CPLANE1: variants seen among roughly 807,000 people sequenced by gnomAD.
CPLANE1 encodes ciliogenesis and planar polarity effector 1.
A neutral mutation model predicts 362.5 loss-of-function variants in CPLANE1; 263 were observed. The observed-to-expected ratio is 0.73, with a 90% CI of 0.66 to 0.80. The LOEUF is 0.80. CPLANE1 is among the 30% of genes least tolerant of loss of function. The probability of loss-of-function intolerance (pLI) is 0.00; values close to 1 mark genes in which losing one functional copy is unlikely to be tolerated. For missense variants in CPLANE1, 3,461 were observed against 3,793.4 expected (o/e 0.91, Z 2.30); for synonymous variants, 1,212 against 1,302.6 (o/e 0.93, Z 1.50).
chr5:37,171,017 A>G (rs537432596), intron 32 of CPLANE1, among the ~76,000 whole-genome samples: 1 of 152,344 alleles, frequency 6.6e-6, no homozygotes, highest in South Asian at 2.1e-4. Context: ...ACACAGGTGA[A>G]GAGCAAGGAA....
chr5:37,153,622 C>T (rs1301410015), intron 42 of CPLANE1, 118 bp downstream of exon 42: 2 of 1,047,766 alleles, frequency 1.9e-6, no homozygotes, highest in East Asian at 5.1e-5. Context: ...TTGACAAACC[C>T]TAGCTTAAAG....
At chr5:37,100,322 CAT>C in the CPLANE1 span, among the ~76,000 whole-genome samples, 12 of 152,174 alleles carry the variant, frequency 7.9e-5, no homozygotes, top group African/African-American at 2.9e-4. Flanking sequence ...CAACTTTCTG[CAT>C]ATGACTAGCC....
rs747132357 is a variant in CPLANE1 at position 37,182,755 on chromosome 5, C to A, written c.5421+5G>T. ...TTGTAAGTAATAAACAATTGATATG[C>A]TTACCTTAATAATGGCATTTTTTGC... On this transcript the variant is annotated splice_donor_5th_base_variant and intron_variant, in intron 26 of 52. Transcript: ENST00000651892. The A allele has an allele frequency of 1.7e-5, 26 of 1,555,360 alleles. No individual in the cohort carries two copies. Among genetic ancestry groups the A allele is most frequent in the Non-Finnish European group, 2.1e-5 (24 of 1,135,228 alleles).
At chr5:37,177,550 T>G in intron 30 of CPLANE1, 71 bp downstream of exon 30, 1 of 1,086,056 alleles carries the variant, frequency 9.2e-7, no homozygotes. Flanking sequence ...TTGTAAATTA[T>G]GAAGGAAAAA....
At chr5:37,236,928 G>A (rs960910886) in intron 8 of CPLANE1, among the ~76,000 whole-genome samples, 1 of 152,166 alleles carries the variant, frequency 6.6e-6, no homozygotes, top group Non-Finnish European at 1.5e-5. Context: ...TGGCAAGTAT[G>A]CAGAGGAAAG....
intron 23 of CPLANE1, among the ~76,000 whole-genome samples, chr5:37,186,869 C>A (rs1784141426): frequency 6.6e-6 from 1 of 151,944 alleles, no homozygotes; most frequent in Non-Finnish European, 1.5e-5. Context: ...ACCATCCTGG[C>A]TAACGTGGTA....
downstream of CPLANE1, among the ~76,000 whole-genome samples, chr5:37,104,371 G>A (rs1221597319): frequency 6.6e-6 from 1 of 152,096 alleles, no homozygotes; most frequent in Admixed American, 6.5e-5. Context: ...GTCTAAGTGG[G>A]CAGATCACCT....
At chr5:37,223,828 T>C (rs1258616786) in intron 14 of CPLANE1, among the ~76,000 whole-genome samples, 4 of 152,360 alleles carry the variant, frequency 2.6e-5, no homozygotes, top group Non-Finnish European at 4.4e-5. Flanking sequence ...TAGTTTCCTA[T>C]TGAGATACTT....
intron 43 of CPLANE1, 118 bp from the exon 44 acceptor site, chr5:37,142,598 T>C (rs1039931728): frequency 8.2e-6 from 5 of 608,514 alleles, no homozygotes; most frequent in Non-Finnish European, 1.1e-5. Flanking sequence ...TTGTCACATA[T>C]TATGCTAATA....
chr5:37,122,344 G>A, intron 48 of CPLANE1, 86 bp downstream of exon 48: 1 of 1,036,068 alleles, frequency 9.7e-7, no homozygotes, highest in Middle Eastern at 2.0e-4. Context: ...AGAGACTATT[G>A]TGAAAACAGA....
At chr5:37,184,633 A>G (rs1783503034) in intron 25 of CPLANE1, among the ~76,000 whole-genome samples, 155 bp downstream of exon 25, 1 of 152,084 alleles carries the variant, frequency 6.6e-6, no homozygotes, top group African/African-American at 2.4e-5. Flanking sequence ...TTATACTCCT[A>G]ATATTCTTAT....
intron 21 of CPLANE1, among the ~76,000 whole-genome samples, 167 bp from the exon 22 acceptor site, chr5:37,188,009 A>C (rs943592168): frequency 4.6e-5 from 7 of 152,210 alleles, no homozygotes; most frequent in African/African-American, 1.7e-4. Context: ...CTTATATAAA[A>C]GTCATGGAGA....
intron 21 of CPLANE1, 79 bp downstream of exon 21, chr5:37,195,779 A>C: frequency 7.1e-7 from 1 of 1,406,502 alleles, no homozygotes; most frequent in Non-Finnish European, 9.7e-7. Flanking sequence ...TTGTACTTTG[A>C]AGAGTCAATA....
intron 46 of CPLANE1, among the ~76,000 whole-genome samples, chr5:37,135,816 C>T (rs553721997): frequency 3.3e-5 from 5 of 151,354 alleles, no homozygotes; most frequent in Non-Finnish European, 5.9e-5. Flanking sequence ...GGCAAAAGAG[C>T]GAGACTCTGT....
chr5:37,091,289 A>AG, the CPLANE1 span, among the ~76,000 whole-genome samples: 1 of 152,206 alleles, frequency 6.6e-6, no homozygotes, highest in African/African-American at 2.4e-5. Context: ...CACCCTTCCT[A>AG]GAGAGTCCAC....
chr5:37,183,671 A>G lies in CPLANE1; in HGVS notation c.4510T>C (p.Ser1504Pro). 6.3e-7 allele frequency: 1 copy of G among 1,590,488 alleles called. No homozygotes were observed. Among genetic ancestry groups the G allele is most frequent in the Non-Finnish European group, 8.5e-7 (1 of 1,171,998 alleles). ...CTTTTATCAGTTGGCTTATGAATTG[A>G]TGTTAATTCCATGTGATTTGGGGCA... ...RNAPNHMELT[S>P]IHKPTDKRKM... is the part of the protein sequence containing the mutation. The change falls in exon 26 of 53, where the codon TCA becomes CCA. Residue 1504 changes from serine (S) to proline (P), a missense_variant. Ser to Pro is a moderately conservative substitution (Grantham distance 74). Around this residue, in one of 2 missense-constraint regions of CPLANE1, gnomAD observed 3,380 missense variants for 3,666.1 expected, o/e 0.92. Coordinates refer to ENST00000651892, the MANE Select transcript of CPLANE1 (RefSeq NM_001384732.1).
At chr5:37,197,556 ACT>A (rs1311212110) in intron 20 of CPLANE1, among the ~76,000 whole-genome samples, 2 of 152,048 alleles carry the variant, frequency 1.3e-5, no homozygotes, top group African/African-American at 4.8e-5. Flanking sequence ...GCCTTGTGAG[ACT>A]CTAAGCAGAG....
chr5:37,092,641 A>G, the CPLANE1 span, among the ~76,000 whole-genome samples: 1 of 152,126 alleles, frequency 6.6e-6, no homozygotes, highest in Admixed American at 6.5e-5. Flanking sequence ...CCATTCCCCT[A>G]TGATTTGGGC....
intron 46 of CPLANE1, among the ~76,000 whole-genome samples, chr5:37,134,282 T>C (rs1044116121): frequency 6.6e-6 from 1 of 152,202 alleles, no homozygotes; most frequent in African/African-American, 2.4e-5. Context: ...CTTTTATTGG[T>C]TGGTGGGTTT....
Sources: allele counts gnomAD v4.1 joint callset (sites outside exome capture counted in the v4.1 genomes callset), GRCh38; gene constraint gnomAD v4.1.1; regional missense constraint gnomAD v4.1.1; transcripts MANE v1.5; gene names NCBI Gene and HGNC (gene_info 2026-07-23, HGNC 2026-07-21).